Variants in NPAS3 observed in about 807,000 individuals in gnomAD.
NPAS3 encodes neuronal PAS domain protein 3.
NPAS3 carries 14 observed loss-of-function variants against 73.1 expected under a neutral mutation model. The ratio of observed to expected loss-of-function variants is 0.19; its 90% CI spans 0.13 to 0.30. NPAS3 has a LOEUF of 0.30. NPAS3 is among the 10% of genes least tolerant of loss of function. The probability of loss-of-function intolerance (pLI) is 1.00; values close to 1 mark genes in which losing one functional copy is unlikely to be tolerated. For missense variants in NPAS3, 1,096 were observed against 1,250.0 expected (o/e 0.88, Z 1.86); for synonymous variants, 620 against 541.5 (o/e 1.14, Z -2.01).
At chr14:33,637,503 G>A (rs891502376) in intron 5 of NPAS3, among the ~76,000 whole-genome samples, 1 of 151,936 alleles carries the variant, frequency 6.6e-6, no homozygotes, top group Non-Finnish European at 1.5e-5. Flanking sequence ...TTTCATCAAG[G>A]AAAAAATAGA....
intron 3 of NPAS3, among the ~76,000 whole-genome samples, chr14:33,257,326 C>T (rs17557907): frequency 0.23 from 34,763 of 152,078 alleles, 4,327 homozygotes; most frequent in Non-Finnish European, 0.28. Context: ...GTGCCTTCAC[C>T]ATAATAACTC....
At chr14:33,622,171 C>T (rs543336533) in intron 5 of NPAS3, among the ~76,000 whole-genome samples, 6 of 152,126 alleles carry the variant, frequency 3.9e-5, no homozygotes, top group African/African-American at 1.2e-4. Flanking sequence ...GATTACCAGT[C>T]GGTTCTAAGA....
At chr14:33,626,604 T>C (rs1469212910) in intron 5 of NPAS3, among the ~76,000 whole-genome samples, 1 of 152,210 alleles carries the variant, frequency 6.6e-6, no homozygotes, top group East Asian at 1.9e-4. Context: ...TCTGCTAGCC[T>C]GCATTAAACT....
At chr14:33,503,969 C>T (rs2052640036) in intron 4 of NPAS3, among the ~76,000 whole-genome samples, 1 of 152,056 alleles carries the variant, frequency 6.6e-6, no homozygotes, top group East Asian at 2.0e-4. Context: ...TGTACAACAA[C>T]CTTATCTAGA....
intron 5 of NPAS3, chr14:33,612,719 A>G (rs2057789801): frequency 2.9e-6 from 1 of 345,016 alleles, no homozygotes; most frequent in African/African-American, 2.1e-5. Context: ...AAGTTAGAAC[A>G]TATATCTCCT....
chr14:33,204,813 C>G (rs1282402411), intron 2 of NPAS3, among the ~76,000 whole-genome samples: 4 of 152,140 alleles, frequency 2.6e-5, no homozygotes. Context: ...CCAATTCCAG[C>G]TCTCTTTTAG....
intron 3 of NPAS3, among the ~76,000 whole-genome samples, chr14:33,335,030 T>TTGTGTGTGTGTGTGTG (rs777068522): frequency 0.013 from 1,896 of 144,176 alleles, 22 homozygotes; most frequent in African/African-American, 0.014. Context: ...TGGTATTCCA[T>TTGTGTGTGTGTGTGTG]TGTGTGTGTG....
At chr14:33,074,519 C>T (rs538029079) in intron 2 of NPAS3, among the ~76,000 whole-genome samples, 5 of 152,230 alleles carry the variant, frequency 3.3e-5, no homozygotes, top group Admixed American at 2.6e-4. Flanking sequence ...CAGGTTCAAG[C>T]GATTCTCCTG....
At chr14:33,269,905 C>G (rs985465448) in intron 3 of NPAS3, among the ~76,000 whole-genome samples, 1 of 152,102 alleles carries the variant, frequency 6.6e-6, no homozygotes, top group Admixed American at 6.6e-5. Flanking sequence ...TGACAACTAC[C>G]TATACTTTAA....
intron 4 of NPAS3, among the ~76,000 whole-genome samples, chr14:33,448,927 T>A (rs1213280066): frequency 6.6e-6 from 1 of 152,026 alleles, no homozygotes; most frequent in African/African-American, 2.4e-5. Flanking sequence ...AACGATCTGA[T>A]AATAAAGAGG....
intron 5 of NPAS3, among the ~76,000 whole-genome samples, chr14:33,608,963 C>A (rs1323060538): frequency 6.6e-6 from 1 of 152,194 alleles, no homozygotes; most frequent in Admixed American, 6.5e-5. Context: ...AGGTCCACAC[C>A]CACAGCATCC....
At chr14:33,670,160 G>GTTTA (rs1277783299) in intron 5 of NPAS3, among the ~76,000 whole-genome samples, 1 of 152,090 alleles carries the variant, frequency 6.6e-6, no homozygotes, top group Non-Finnish European at 1.5e-5. Context: ...GAGCCAAAAT[G>GTTTA]TTTATTTTTG....
chr14:33,104,995 C>G (rs760634310), intron 2 of NPAS3, among the ~76,000 whole-genome samples: 1 of 152,068 alleles, frequency 6.6e-6, no homozygotes, highest in Non-Finnish European at 1.5e-5. Context: ...TACTAGCCAA[C>G]ATAGGAATTT....
At chr14:33,474,244 G>T (rs2050916892) in intron 4 of NPAS3, among the ~76,000 whole-genome samples, 1 of 152,170 alleles carries the variant, frequency 6.6e-6, no homozygotes, top group Non-Finnish European at 1.5e-5. Flanking sequence ...TAGGAGGTTT[G>T]TAGAAGTAAT....
At chr14:33,489,496 T>C (rs972348531) in intron 4 of NPAS3, among the ~76,000 whole-genome samples, 5 of 152,132 alleles carry the variant, frequency 3.3e-5, no homozygotes, top group African/African-American at 9.7e-5. Context: ...ATTCCCATAA[T>C]GGAGAAAGGA....
chr14:33,409,834 A>T (rs1384975774), intron 4 of NPAS3, among the ~76,000 whole-genome samples: 3 of 152,200 alleles, frequency 2.0e-5, no homozygotes, highest in Non-Finnish European at 4.4e-5. Context: ...CCATAATTGA[A>T]TTATGCTAAA....
At chr14:33,385,726 T>C (rs554591728) in intron 4 of NPAS3, among the ~76,000 whole-genome samples, 1 of 152,162 alleles carries the variant, frequency 6.6e-6, no homozygotes, top group African/African-American at 2.4e-5. Context: ...GACATCCAGA[T>C]GCCAGTGCTT....
intron 2 of NPAS3, among the ~76,000 whole-genome samples, chr14:33,075,425 T>C (rs1292040315): frequency 6.6e-6 from 1 of 152,248 alleles, no homozygotes; most frequent in Non-Finnish European, 1.5e-5. Flanking sequence ...TATTGTACCA[T>C]TAAAGTTCTT....
chr14:32,965,722 GAGAA>G (rs2037124386), intron 1 of NPAS3, among the ~76,000 whole-genome samples: 1 of 152,198 alleles, frequency 6.6e-6, no homozygotes, highest in Non-Finnish European at 1.5e-5. Flanking sequence ...AATTAGAGAA[GAGAA>G]AGAAATACAG....
Sources: allele counts gnomAD v4.1 joint callset (sites outside exome capture counted in the v4.1 genomes callset), GRCh38; gene constraint gnomAD v4.1.1; transcripts MANE v1.5; gene names NCBI Gene and HGNC (gene_info 2026-07-23, HGNC 2026-07-21).